Variants in VWC2L observed in about 807,000 individuals in gnomAD.
VWC2L encodes the protein von Willebrand factor C domain-containing protein 2-like.
Under a neutral mutation model 21.6 loss-of-function variants are expected in VWC2L, and 10 were observed. The observed-to-expected ratio is 0.46, with a 90% CI of 0.29 to 0.78. The LOEUF (loss-of-function observed/expected upper bound fraction) is 0.78, where lower values mean the gene tolerates loss of function less well. Among genes scored for constraint, VWC2L ranks in the 30% least tolerant of loss-of-function variants. The pLI is 0.10. For missense variants in VWC2L, 209 were observed against 277.1 expected (o/e 0.75, Z 1.74); for synonymous variants, 96 against 94.3 (o/e 1.02, Z -0.10).
chr2:214,539,789 G>A (rs2105920358), intron 3 of VWC2L, among the ~76,000 whole-genome samples: 1 of 152,156 alleles, frequency 6.6e-6, no homozygotes, highest in African/African-American at 2.4e-5. Context: ...CAGCTCACAA[G>A]CATCACTGAT....
intron 3 of VWC2L, chr2:214,525,265 T>C (rs1689314556): frequency 6.6e-6 from 1 of 151,948 alleles, no homozygotes; most frequent in East Asian, 1.9e-4. Context: ...GCCTGGCAGG[T>C]GAGGGGACCA....
At chr2:214,504,949 T>A (rs1452586193) in intron 3 of VWC2L, among the ~76,000 whole-genome samples, 1 of 152,142 alleles carries the variant, frequency 6.6e-6, no homozygotes, top group Non-Finnish European at 1.5e-5. Context: ...TCTCCTAAAA[T>A]CCCAAAATAA....
intron 3 of VWC2L, chr2:214,536,649 T>A (rs1021310315): frequency 2.0e-5 from 3 of 152,094 alleles, no homozygotes; most frequent in Non-Finnish European, 4.4e-5. Context: ...TATGTTCTTA[T>A]TATCATATAA....
In VWC2L at chr2:214,452,587, ACTTT is replaced by A. The variant is rs770300061; in HGVS notation, c.520+15834_520+15837del. Among the ~76,000 whole-genome samples the A allele has an allele frequency of 7.1e-4, 108 of 152,230 alleles. 1 individual carries two copies. Among genetic ancestry groups the A allele is most frequent in the African/African-American group, 1.2e-4 (5 of 41,540 alleles). ...ACTAAACAGAAGCCTTCGTATGGAT[ACTTT>A]CTTTTTTGAATATGCCTAGGAGTGG... is the stretch of plus-strand genomic sequence containing the variant. On this transcript the variant is annotated intron_variant, in intron 3 of 3. Transcript: ENST00000312504.
chr2:214,529,677 C>A (rs112776618), intron 3 of VWC2L, among the ~76,000 whole-genome samples: 2 of 152,210 alleles, frequency 1.3e-5, no homozygotes, highest in Admixed American at 6.6e-5. Context: ...AATTATGAAG[C>A]TTTTCTACAA....
chr2:214,427,283 C>A (rs1702538897), intron 2 of VWC2L, among the ~76,000 whole-genome samples: 1 of 152,064 alleles, frequency 6.6e-6, no homozygotes, highest in East Asian at 1.9e-4. Context: ...GCTAAAATTG[C>A]AAACCTTTGA....
chr2:214,464,272 G>T (rs967646297), intron 3 of VWC2L, among the ~76,000 whole-genome samples: 14 of 152,054 alleles, frequency 9.2e-5, no homozygotes, highest in Admixed American at 3.9e-4. Flanking sequence ...CATAGTCTGG[G>T]CTTGTGTGTA....
At chr2:214,543,239 C>A (rs543599940) in intron 3 of VWC2L, among the ~76,000 whole-genome samples, 1 of 152,178 alleles carries the variant, frequency 6.6e-6, no homozygotes, top group Non-Finnish European at 1.5e-5. Flanking sequence ...CATGTTCAAA[C>A]GTAACTTTCA....
intron 2 of VWC2L, among the ~76,000 whole-genome samples, chr2:214,432,024 C>T (rs1000478861): frequency 4.6e-5 from 7 of 152,278 alleles, no homozygotes; most frequent in East Asian, 1.9e-4. Flanking sequence ...AGTTATTTCA[C>T]GACTCACAGT....
intron 3 of VWC2L, among the ~76,000 whole-genome samples, chr2:214,448,242 T>C (rs1559293755): frequency 1.3e-5 from 2 of 152,240 alleles, no homozygotes; most frequent in Admixed American, 1.3e-4. Flanking sequence ...TACAACACAT[T>C]GTAGATGCAA....
At chr2:214,463,287 T>G (rs1703168078) in intron 3 of VWC2L, among the ~76,000 whole-genome samples, 2 of 152,196 alleles carry the variant, frequency 1.3e-5, no homozygotes, top group African/African-American at 2.4e-5. Flanking sequence ...TGAAGTTTTT[T>G]TATGATGTAC....
chr2:214,428,171 C>A (rs551906129), intron 2 of VWC2L, among the ~76,000 whole-genome samples: 1 of 152,276 alleles, frequency 6.6e-6, no homozygotes, highest in African/African-American at 2.4e-5. Flanking sequence ...GTCATGTAAT[C>A]AATCCCACAT....
chr2:214,496,248 T>C (rs1688810887), intron 3 of VWC2L, among the ~76,000 whole-genome samples: 1 of 151,814 alleles, frequency 6.6e-6, no homozygotes, highest in Non-Finnish European at 1.5e-5. Flanking sequence ...TACAATCTTA[T>C]GGGACAACTC....
intron 3 of VWC2L, among the ~76,000 whole-genome samples, chr2:214,466,618 G>T (rs1442888847): frequency 6.6e-6 from 1 of 152,104 alleles, no homozygotes; most frequent in Non-Finnish European, 1.5e-5. Context: ...TTGTCCCATG[G>T]TTTAATAATA....
At chr2:214,467,959 A>T (rs1187582537) in intron 3 of VWC2L, among the ~76,000 whole-genome samples, 2 of 152,154 alleles carry the variant, frequency 1.3e-5, no homozygotes, top group East Asian at 3.9e-4. Flanking sequence ...CAGCCTGGGC[A>T]ACATAGTGAG....
At chr2:214,514,830 C>A (rs1412910147) in intron 3 of VWC2L, among the ~76,000 whole-genome samples, 1 of 152,086 alleles carries the variant, frequency 6.6e-6, no homozygotes, top group Non-Finnish European at 1.5e-5. Context: ...CGTTTATGAC[C>A]AGCATAAAAA....
chr2:214,458,135 G>A (rs1328604211), intron 3 of VWC2L, among the ~76,000 whole-genome samples: 3 of 151,940 alleles, frequency 2.0e-5, no homozygotes, highest in African/African-American at 7.2e-5. Flanking sequence ...ACTCATCATT[G>A]GTCTATTCAG....
At chr2:214,455,713 TC>T in intron 3 of VWC2L, among the ~76,000 whole-genome samples, 1 of 152,270 alleles carries the variant, frequency 6.6e-6, no homozygotes, top group South Asian at 2.1e-4. Context: ...ACAATCTCTC[TC>T]CCCTGCCTCT....
At chr2:214,573,757 G>A (rs758570965) in intron 3 of VWC2L, among the ~76,000 whole-genome samples, 33 of 152,164 alleles carry the variant, frequency 2.2e-4, no homozygotes, top group South Asian at 4.1e-4. Context: ...CCAATCTATC[G>A]AACAATGACT....
Sources: allele counts gnomAD v4.1 joint callset (sites outside exome capture counted in the v4.1 genomes callset), GRCh38; gene constraint gnomAD v4.1.1; transcripts MANE v1.5; gene names NCBI Gene and HGNC (gene_info 2026-07-23, HGNC 2026-07-21).